The following SLC45A4 variants were observed in gnomAD, a reference collection of about 807,000 sequenced individuals.
SLC45A4 encodes the protein polyamine-transporter SLC45A4.
Under a neutral mutation model 63.7 loss-of-function variants are expected in SLC45A4, and 32 were observed. That is an observed-to-expected ratio of 0.50 (90% CI 0.38 to 0.67). The LOEUF is 0.67. SLC45A4 is among the 30% of genes least tolerant of loss of function. The pLI, the probability that SLC45A4 is intolerant of heterozygous loss-of-function variation, is 0.00. For synonymous variants in SLC45A4, 535 were observed against 510.0 expected (o/e 1.05, Z -0.66); for missense variants, 1,027 against 1,157.7 (o/e 0.89, Z 1.64).
intron 1 of SLC45A4, among the ~76,000 whole-genome samples, chr8:141,266,212 G>A (rs533282342): frequency 6.6e-6 from 1 of 152,178 alleles, no homozygotes; most frequent in African/African-American, 2.4e-5. Context: ...GACCACAAAC[G>A]TGTGCTGCCC....
chr8:141,254,554 T>C lies in SLC45A4; in HGVS notation c.-325A>G, dbSNP rs772742206. ...TTACTGAAGAGGTGCTGAAGTGATTTTTCTTGCTACAGAGAGGTGGGAAGG... is the reference window on the plus strand; with the variant it reads ...TTACTGAAGAGGTGCTGAAGTGATTCTTCTTGCTACAGAGAGGTGGGAAGG... On this transcript the variant is annotated 5_prime_UTR_variant, in exon 2 of 9. Transcript: ENST00000517878. This position sits in a 1 kb window ranked among gnomAD's most constrained non-coding sequence, Gnocchi z 4.5. 2 of 702,594 alleles carry C rather than the reference T, an allele frequency of 2.8e-6. No individual in the cohort carries two copies. The highest frequency in any genetic ancestry group is 2.6e-6 in the Non-Finnish European group (1 of 384,984). The allele number at this position is 702,594 out of a possible 1,614,324, so 43.5% of individuals were successfully genotyped here.
At chr8:141,282,470 G>A (rs1336253319) in intron 1 of SLC45A4, among the ~76,000 whole-genome samples, 4 of 152,188 alleles carry the variant, frequency 2.6e-5, no homozygotes, top group African/African-American at 4.8e-5. Context: ...TGTCTCCATC[G>A]CTGCCCTCCC....
chr8:141,249,438 A>G (rs879540081), intron 2 of SLC45A4, among the ~76,000 whole-genome samples: 1 of 152,254 alleles, frequency 6.6e-6, no homozygotes, highest in Non-Finnish European at 1.5e-5. Flanking sequence ...GGGATGAATC[A>G]GAAAAGCATT....
At chr8:141,230,416 A>G (rs556832240) in intron 2 of SLC45A4, 90 of 327,228 alleles carry the variant, frequency 2.8e-4, no homozygotes, top group South Asian at 2.0e-3. Context: ...CACGGCCAAC[A>G]GGGCCCTGCA....
intron 1 of SLC45A4, chr8:141,292,785 G>C (rs1321599825): frequency 6.6e-6 from 1 of 152,266 alleles, no homozygotes; most frequent in Non-Finnish European, 1.5e-5. Flanking sequence ...GTCTTCATGG[G>C]TCACTGAAGG....
intron 7 of SLC45A4, 103 bp from the exon 8 acceptor site, chr8:141,212,659 G>A (rs999781892): frequency 1.5e-5 from 20 of 1,374,308 alleles, no homozygotes; most frequent in East Asian, 5.0e-5. Flanking sequence ...AACATGACCC[G>A]TCTTCCACCG....
chr8:141,303,666 G>T (rs1489143912), intron 1 of SLC45A4, among the ~76,000 whole-genome samples: 2 of 152,118 alleles, frequency 1.3e-5, no homozygotes, highest in African/African-American at 2.4e-5. Context: ...GAAACCTTGG[G>T]GCAAACTACA....
At chr8:141,216,674 C>A (rs1826173666) in intron 6 of SLC45A4, among the ~76,000 whole-genome samples, 1 of 152,134 alleles carries the variant, frequency 6.6e-6, no homozygotes, top group African/African-American at 2.4e-5. Flanking sequence ...GTGAGCCTCG[C>A]TGCAGGACGG....
intron 7 of SLC45A4, among the ~76,000 whole-genome samples, chr8:141,214,145 T>C (rs1345768185): frequency 6.6e-6 from 1 of 150,668 alleles, no homozygotes; most frequent in African/African-American, 2.5e-5. Context: ...TGAGCCGAGA[T>C]TGCACCACTG....
At chr8:141,307,758 G>A (rs1281755992) in intron 1 of SLC45A4, among the ~76,000 whole-genome samples, 2 of 150,952 alleles carry the variant, frequency 1.3e-5, no homozygotes, top group Non-Finnish European at 3.0e-5. Flanking sequence ...GAGGACTGAT[G>A]GGTGCGAAAG....
chr8:141,281,190 T>C (rs1454485892), intron 1 of SLC45A4, among the ~76,000 whole-genome samples: 3 of 152,008 alleles, frequency 2.0e-5, no homozygotes, highest in Admixed American at 1.3e-4. Flanking sequence ...AGTACAAAAA[T>C]TAGCTGGGTG....
chr8:141,268,029 TATTCGTC>T (rs1398113527), intron 1 of SLC45A4, among the ~76,000 whole-genome samples: 10 of 152,250 alleles, frequency 6.6e-5, no homozygotes, highest in African/African-American at 2.4e-4. Flanking sequence ...AGAGCCGCTT[TATTCGTC>T]ATTGCCAAAA....
chr8:141,283,421 G>C (rs1349347579), intron 1 of SLC45A4, among the ~76,000 whole-genome samples: 1 of 152,244 alleles, frequency 6.6e-6, no homozygotes, highest in Non-Finnish European at 1.5e-5. Context: ...CTAGCTCCCA[G>C]TGCAGTGCAC....
intron 5 of SLC45A4, 116 bp downstream of exon 5, chr8:141,217,894 TG>T: frequency 7.9e-7 from 1 of 1,260,416 alleles, no homozygotes; most frequent in Non-Finnish European, 1.1e-6. Context: ...AGGCACTGTG[TG>T]GCCTCCCTGA....
At chr8:141,235,265 A>T (rs1487834767) in intron 2 of SLC45A4, among the ~76,000 whole-genome samples, 4 of 152,226 alleles carry the variant, frequency 2.6e-5, no homozygotes, top group Non-Finnish European at 5.9e-5. Context: ...CAGGTGAAGC[A>T]ATTTAAATGC....
rs564892748 is a variant in SLC45A4, at chr8:141,232,250, C to T, written c.242-10485G>A. On this transcript the variant is annotated intron_variant, in intron 2 of 8. Transcript: ENST00000517878. ...TCAACAATCCATCACACGCCAGCCC[C>T]GCTGCTCTGTGCGCCATGCTTTGGC... Among the ~76,000 whole-genome samples the T allele has an allele frequency of 3.3e-4, 50 of 152,370 alleles. No homozygotes were observed. The South Asian group carries it at 5.2e-3, about 16-fold the overall frequency.
intron 1 of SLC45A4, among the ~76,000 whole-genome samples, chr8:141,306,436 C>G (rs749586663): frequency 1.2e-3 from 78 of 65,866 alleles, no homozygotes; most frequent in Non-Finnish European, 2.3e-3. Flanking sequence ...CACCCGGAAC[C>G]TGCAGGGCTG....
chr8:141,295,028 G>C (rs1830493512), intron 1 of SLC45A4, among the ~76,000 whole-genome samples: 1 of 152,246 alleles, frequency 6.6e-6, no homozygotes, highest in Non-Finnish European at 1.5e-5. Context: ...CCTCCCACTG[G>C]ACTTCAGGAG....
chr8:141,245,138 C>G (rs1242633015), intron 2 of SLC45A4, among the ~76,000 whole-genome samples: 1 of 152,148 alleles, frequency 6.6e-6, no homozygotes, highest in Non-Finnish European at 1.5e-5. Flanking sequence ...GTAATAACAG[C>G]TAACAATTAC....
Sources: allele counts gnomAD v4.1 joint callset (sites outside exome capture counted in the v4.1 genomes callset), GRCh38; gene constraint gnomAD v4.1.1; non-coding constraint Gnocchi (gnomAD v3.1); transcripts MANE v1.5; gene names NCBI Gene and HGNC (gene_info 2026-07-23, HGNC 2026-07-21).